Variants in LASP1 observed in about 807,000 individuals in gnomAD.
LASP1 encodes the protein LIM and SH3 protein 1.
A neutral mutation model predicts 38.6 loss-of-function variants in LASP1; 10 were observed. The observed-to-expected ratio is 0.26, with a 90% CI of 0.16 to 0.44. The LOEUF is 0.44. LASP1 is among the 20% of genes least tolerant of loss of function. The pLI is 1.00. For missense variants in LASP1, 243 were observed against 375.7 expected (o/e 0.65, Z 2.92); for synonymous variants, 132 against 140.8 (o/e 0.94, Z 0.44).
At chr17:38,885,740 C>T (rs1329371565) in intron 2 of LASP1, among the ~76,000 whole-genome samples, 1 of 152,188 alleles carries the variant, frequency 6.6e-6, no homozygotes, top group African/African-American at 2.4e-5. Context: ...TGTCTTAGCA[C>T]CCATGTTGGC....
chr17:38,917,240 T>C (rs1352760575), intron 6 of LASP1, among the ~76,000 whole-genome samples: 1 of 152,074 alleles, frequency 6.6e-6, no homozygotes, highest in Non-Finnish European at 1.5e-5. Context: ...GAGGCAGAAT[T>C]GGTGATGAGA....
Position 38,921,000 on chromosome 17 carries a change from A to T in LASP1, c.*2222A>T, listed in dbSNP as rs1309698479. 1 of 232,132 alleles carries T rather than the reference A, an allele frequency of 4.3e-6. No homozygotes were observed. Among genetic ancestry groups the T allele is most frequent in the African/African-American group, 2.2e-5 (1 of 45,220 alleles). 14.4% of individuals were successfully genotyped at this position (232,132 alleles called of 1,614,324 possible). On this transcript the variant is annotated 3_prime_UTR_variant, in exon 7 of 7. Transcript: ENST00000318008. Reference sequence around the variant, plus strand: ...CTTAATTCTCCTTCCCAGATAAGGCAAGCCAGTCATGGAATCTTGCTGCAG... The same window carrying T: ...CTTAATTCTCCTTCCCAGATAAGGCTAGCCAGTCATGGAATCTTGCTGCAG...
chr17:38,870,152 T>A lies in LASP1; in HGVS notation c.-38T>A. ...CTCGCCTCGGGGAACAGGACGCGCG[T>A]GAGCTCAGGCGTCCCCGCCCCAGCT... On this transcript the variant is annotated 5_prime_UTR_variant, in exon 1 of 7. Transcript: ENST00000318008. 2 of 1,610,474 alleles carry A rather than the reference T, an allele frequency of 1.2e-6. No homozygotes were observed. Among genetic ancestry groups the A allele is most frequent in the Non-Finnish European group, 1.7e-6 (2 of 1,178,692 alleles).
chr17:38,900,870 G>A (rs1399251655), intron 4 of LASP1, among the ~76,000 whole-genome samples: 1 of 152,174 alleles, frequency 6.6e-6, no homozygotes, highest in Non-Finnish European at 1.5e-5. Context: ...CTCTTTATAT[G>A]CTAGGGCCTG....
At chr17:38,881,515 C>T (rs1913950417) in intron 2 of LASP1, among the ~76,000 whole-genome samples, 1 of 152,158 alleles carries the variant, frequency 6.6e-6, no homozygotes, top group Non-Finnish European at 1.5e-5. Context: ...GCCCAGCCTC[C>T]TCGTGTTTTC....
intron 1 of LASP1, among the ~76,000 whole-genome samples, chr17:38,870,460 C>G (rs1014480292): frequency 3.3e-5 from 5 of 152,170 alleles, no homozygotes; most frequent in African/African-American, 1.2e-4. Flanking sequence ...GAAGTCCACG[C>G]GTAGCGGGCA....
intron 2 of LASP1, among the ~76,000 whole-genome samples, chr17:38,881,532 C>T (rs1438713114): frequency 2.0e-5 from 3 of 152,206 alleles, no homozygotes; most frequent in African/African-American, 7.2e-5. Context: ...TTTCTTCCTG[C>T]CTCTGGTCTT....
chr17:38,872,043 G>A (rs368801910), intron 1 of LASP1, among the ~76,000 whole-genome samples: 2 of 152,076 alleles, frequency 1.3e-5, no homozygotes, highest in Non-Finnish European at 2.9e-5. Context: ...CACTTGACCC[G>A]TATAAGGAAA....
At chr17:38,909,067 TTGGCTTCCAGCTAGG>T (rs1914852762) in intron 4 of LASP1, among the ~76,000 whole-genome samples, 1 of 152,076 alleles carries the variant, frequency 6.6e-6, no homozygotes, top group Non-Finnish European at 1.5e-5. Flanking sequence ...GGAAGTGAAG[TTGGCTTCCAGCTAGG>T]TGCCTGCCAG....
intron 3 of LASP1, among the ~76,000 whole-genome samples, chr17:38,893,858 G>A (rs1914410920): frequency 6.6e-6 from 1 of 152,234 alleles, no homozygotes; most frequent in African/African-American, 2.4e-5. Context: ...AGCAGGAAGG[G>A]AAGGGGGAGC....
chr17:38,919,032 GAGGC>G lies in LASP1; in HGVS notation c.*258_*261del. The G allele has an allele frequency of 1.2e-5, 6 of 502,278 alleles. No homozygotes were observed. The highest frequency in any genetic ancestry group is 8.0e-5 in the Admixed American group (2 of 24,966). 31.1% of individuals were successfully genotyped at this position (502,278 alleles called of 1,614,324 possible). A position where few individuals can be genotyped will look rare whatever the true frequency, so the allele number is the denominator to read the frequency against. On this transcript the variant is annotated 3_prime_UTR_variant, in exon 7 of 7. Coordinates refer to ENST00000318008, the MANE Select transcript of LASP1 (RefSeq NM_006148.4). Reference sequence around the variant, plus strand: ...GGAACGGGCATGGGCCTCTCTGGGGGAGGCAGGGCTGGAATGGGAGACCTGTTGG... The same window carrying G: ...GGAACGGGCATGGGCCTCTCTGGGGGAGGGCTGGAATGGGAGACCTGTTGG...
At chr17:38,881,208 G>C (rs1231967185) in intron 2 of LASP1, among the ~76,000 whole-genome samples, 1 of 152,180 alleles carries the variant, frequency 6.6e-6, no homozygotes, top group African/African-American at 2.4e-5. Flanking sequence ...CCAGACGCTA[G>C]GCCGAGTGTT....
At chr17:38,911,330 G>T (rs1176343680) in intron 4 of LASP1, among the ~76,000 whole-genome samples, 1 of 152,212 alleles carries the variant, frequency 6.6e-6, no homozygotes, top group African/African-American at 2.4e-5. Flanking sequence ...CCCTTGAGTG[G>T]CGAGGGTGGG....
intron 3 of LASP1, chr17:38,897,180 A>G: frequency 1.4e-6 from 1 of 713,190 alleles, no homozygotes; most frequent in Non-Finnish European, 1.7e-6. Flanking sequence ...CAGAACAGAG[A>G]AGGAGAGGGA....
At chr17:38,910,185 G>A (rs1167684316) in intron 4 of LASP1, among the ~76,000 whole-genome samples, 1 of 152,112 alleles carries the variant, frequency 6.6e-6, no homozygotes, top group Non-Finnish European at 1.5e-5. Flanking sequence ...TAACCAATAG[G>A]AGTATGCCGT....
At chr17:38,879,485 T>G (rs1567695590) in intron 2 of LASP1, among the ~76,000 whole-genome samples, 1 of 143,636 alleles carries the variant, frequency 7.0e-6, no homozygotes, top group South Asian at 2.2e-4. Flanking sequence ...TAATTTTAAC[T>G]TTTTTTTTTT....
intron 2 of LASP1, among the ~76,000 whole-genome samples, chr17:38,881,375 T>A (rs1396134308): frequency 6.6e-6 from 1 of 152,010 alleles, no homozygotes; most frequent in Non-Finnish European, 1.5e-5. Flanking sequence ...CTCCTGGGTT[T>A]AAGTGATCCT....
chr17:38,909,732 T>TC (rs781632929), intron 4 of LASP1, among the ~76,000 whole-genome samples: 11 of 126,922 alleles, frequency 8.7e-5, no homozygotes, highest in South Asian at 2.4e-4. Context: ...TTTCATCTCA[T>TC]TCATTCATTC....
intron 6 of LASP1, among the ~76,000 whole-genome samples, chr17:38,917,416 C>A (rs1375805851): frequency 1.3e-5 from 2 of 151,162 alleles, no homozygotes; most frequent in African/African-American, 2.4e-5. Context: ...TTTCCTCTTT[C>A]TTTTTTTAAA....
Sources: gnomAD v4.1 joint callset for allele counts (sites outside exome capture counted in the v4.1 genomes callset) on GRCh38, gnomAD v4.1.1 for gene constraint, MANE v1.5 for transcripts, NCBI Gene and HGNC (gene_info 2026-07-23, HGNC 2026-07-21) for gene names.